Variants in ZNF217 observed in about 807,000 individuals in gnomAD.
ZNF217 encodes the protein zinc finger protein 217.
ZNF217 carries 12 observed loss-of-function variants against 73.3 expected under a neutral mutation model. The observed-to-expected ratio is 0.16, with a 90% CI of 0.10 to 0.27. ZNF217 has a LOEUF of 0.27. Among genes scored for constraint, ZNF217 ranks in the 10% least tolerant of loss-of-function variants. The pLI is 1.00. For synonymous variants in ZNF217, 588 were observed against 516.4 expected, an observed-to-expected ratio of 1.14 and a Z score of -1.88; for missense variants, 1,195 against 1,327.8, an observed-to-expected ratio of 0.90 and a Z score of 1.55.
chr20:53,586,019 C>CA (rs557666843), intron 1 of ZNF217, among the ~76,000 whole-genome samples: 230 of 152,298 alleles, frequency 1.5e-3, no homozygotes, highest in Non-Finnish European at 2.3e-3. Context: ...CTACCCAGCA[C>CA]ACCCTACCCC....
chr20:53,575,720 G>A lies in ZNF217; in HGVS notation c.3037+7C>T, dbSNP rs374791993. ...GCCATTTAAACACGACGCCCCTCAT[G>A]CAATACCTTCTAACGTCGAGCTGGA... is the stretch of plus-strand genomic sequence containing the variant. On this transcript the variant is annotated splice_region_variant and intron_variant, in intron 4 of 5. Coordinates refer to ENST00000371471, the MANE Select transcript of ZNF217 (RefSeq NM_006526.3). The A allele has an allele frequency of 2.5e-4, 394 of 1,559,352 alleles. 6 individuals carry two copies. In the South Asian group the frequency reaches 4.3e-3, roughly 17 times the overall value.
intron 1 of ZNF217, among the ~76,000 whole-genome samples, chr20:53,585,314 C>T (rs1988657558): frequency 6.6e-6 from 1 of 152,090 alleles, no homozygotes; most frequent in South Asian, 2.1e-4. Flanking sequence ...ACTCCCAATG[C>T]TTTGGGAAGC....
chr20:53,572,840 C>CT (rs1196588289), intron 4 of ZNF217: 1 of 152,178 alleles, frequency 6.6e-6, no homozygotes, highest in East Asian at 1.9e-4. Flanking sequence ...CACTGAGCTA[C>CT]TTTTTTACAC....
intron 1 of ZNF217, among the ~76,000 whole-genome samples, chr20:53,585,216 C>T (rs994046926): frequency 3.3e-5 from 5 of 151,496 alleles, no homozygotes; most frequent in African/African-American, 1.2e-4. Context: ...CACTTCTCTA[C>T]TGACATCCTT....
chr20:53,579,856 A>G (rs1453601954), intron 2 of ZNF217, among the ~76,000 whole-genome samples: 1 of 152,240 alleles, frequency 6.6e-6, no homozygotes. Context: ...ATTGGTCACA[A>G]AACAACGCAG....
chr20:53,593,328 G>A (rs1282992349), intron 1 of ZNF217, among the ~76,000 whole-genome samples: 10 of 152,140 alleles, frequency 6.6e-5, no homozygotes, highest in Admixed American at 2.6e-4. Flanking sequence ...ATCGCGGGGG[G>A]ACCCTACGCC....
In ZNF217 at chr20:53,582,278, C is replaced by A; in HGVS notation, c.549G>T (p.Gly183=). ...AGCCTTGCTGCAGTTTGCTTCTGGC[C>A]CCCGATTTGCCATTATGTGTCCGCA... ...NHMRTHNGKS[G]ARSKLQQGLE... is the part of the protein sequence containing the mutation. The change falls in exon 2 of 6, where the codon GGG becomes GGT. Residue 183 remains glycine (G), a synonymous_variant. Transcript: ENST00000371471. The surrounding 1 kb of genome is among the most constrained non-coding windows in gnomAD (Gnocchi z 4.8). 6.2e-7 allele frequency: 1 copy of A among 1,614,146 alleles called. No individual in the cohort carries two copies. Among genetic ancestry groups the A allele is most frequent in the Admixed American group, 1.7e-5 (1 of 60,012 alleles).
intron 5 of ZNF217, among the ~76,000 whole-genome samples, 157 bp from the exon 6 acceptor site, chr20:53,569,421 C>A (rs187985106): frequency 1.3e-5 from 2 of 152,260 alleles, no homozygotes; most frequent in East Asian, 3.9e-4. Context: ...CTCACTCTGT[C>A]GCCCAGGCTG....
chr20:53,569,450 T>C (rs941807249), intron 5 of ZNF217, among the ~76,000 whole-genome samples, 186 bp from the exon 6 acceptor site: 1 of 152,202 alleles, frequency 6.6e-6, no homozygotes, highest in Non-Finnish European at 1.5e-5. Context: ...CGGCACGATC[T>C]TGGCTCACTG....
intron 1 of ZNF217, among the ~76,000 whole-genome samples, chr20:53,590,269 C>T (rs1840356769): frequency 6.6e-6 from 1 of 152,200 alleles, no homozygotes; most frequent in Non-Finnish European, 1.5e-5. Context: ...GCTTCACCTT[C>T]CCAATTCATT....
At chr20:53,578,645 T>C (rs779149339) in intron 2 of ZNF217, among the ~76,000 whole-genome samples, 195 bp from the exon 3 acceptor site, 12 of 152,250 alleles carry the variant, frequency 7.9e-5, no homozygotes, top group Non-Finnish European at 1.2e-4. Flanking sequence ...TAGAGTGTTA[T>C]AACATGATTT....
At chr20:53,586,840 A>C (rs1410220501) in intron 1 of ZNF217, among the ~76,000 whole-genome samples, 1 of 152,218 alleles carries the variant, frequency 6.6e-6, no homozygotes, top group Non-Finnish European at 1.5e-5. Flanking sequence ...TGCACACAGA[A>C]GGCAGCAGTA....
upstream of ZNF217, among the ~76,000 whole-genome samples, chr20:53,596,480 A>C (rs1444610458): frequency 6.6e-6 from 1 of 152,198 alleles, no homozygotes; most frequent in Non-Finnish European, 1.5e-5. Flanking sequence ...AAGGACATAG[A>C]GGGATCTGAA....
Position 53,577,068 on chromosome 20 carries a change from C to A in ZNF217, c.1696G>T (p.Asp566Tyr), listed in dbSNP as rs1259719505. Residue 566 changes from aspartate (D) to tyrosine (Y), a missense_variant, in exon 4 of 6, where the codon GAT (aspartate) becomes TAT (tyrosine). Physicochemically the swap from Asp to Tyr is radical, Grantham distance 160 (BLOSUM62 -3). This residue lies in a region of ZNF217 where 649 missense variants were observed against 642.8 expected (regional missense o/e 1.01). Transcript: ENST00000371471. Reference protein sequence around the residue: ...NLKRFFDGAKDVTGSPPAKQL... With the variant: ...NLKRFFDGAKYVTGSPPAKQL... The stretch of plus-strand genomic sequence containing the variant: ...TTTGCAGGTGGACTGCCTGTAACAT[C>A]TTTGGCACCATCAAAAAATCTTTTC... The A allele has an allele frequency of 6.2e-7, 1 of 1,614,096 alleles. No individual in the cohort carries two copies. The highest frequency in any genetic ancestry group is 8.5e-7 in the Non-Finnish European group (1 of 1,180,046).
intron 1 of ZNF217, among the ~76,000 whole-genome samples, chr20:53,585,498 T>G (rs1423512165): frequency 6.6e-6 from 1 of 152,138 alleles, no homozygotes; most frequent in African/African-American, 2.4e-5. Context: ...TGAGCCAAGA[T>G]CGCACCACTG....
upstream of ZNF217, among the ~76,000 whole-genome samples, chr20:53,596,261 CTTA>C (rs1989039977): frequency 6.6e-6 from 1 of 151,986 alleles, no homozygotes; most frequent in African/African-American, 2.4e-5. Flanking sequence ...AAGAGAGCGC[CTTA>C]TTATGTTGTA....
At position 53,580,153 on chromosome 20, in the gene ZNF217, C is replaced by CA. The variant is rs1988431344; in HGVS notation, c.1366+1307dup. Among the ~76,000 whole-genome samples, 3 of 152,064 alleles carry CA rather than the reference C, an allele frequency of 2.0e-5. 1 individual carries two copies. The South Asian group carries it at 6.2e-4, about 32-fold the overall frequency. On this transcript the variant is annotated intron_variant, in intron 2 of 5. Transcript: ENST00000371471. The stretch of plus-strand genomic sequence containing the variant: ...TGGGTTTCCTGTGTCCCAGGAAACT[C>CA]AAAAACATTCTAAAGATTTGATATA...
chr20:53,570,093 A>C (rs1468050624), intron 5 of ZNF217, among the ~76,000 whole-genome samples: 1 of 152,214 alleles, frequency 6.6e-6, no homozygotes, highest in Non-Finnish European at 1.5e-5. Flanking sequence ...CAGATACAGG[A>C]GCATGGCTGT....
At chr20:53,571,406 G>T (rs5741796) in intron 5 of ZNF217, among the ~76,000 whole-genome samples, 2 of 16,492 alleles carry the variant, frequency 1.2e-4, no homozygotes, top group Non-Finnish European at 2.1e-4. Context: ...CCCCGCCCCC[G>T]CCCCCCCTTT....
Sources: allele counts gnomAD v4.1 joint callset (sites outside exome capture counted in the v4.1 genomes callset), GRCh38; gene constraint gnomAD v4.1.1; regional missense constraint gnomAD v4.1.1; non-coding constraint Gnocchi (gnomAD v3.1); transcripts MANE v1.5; gene names NCBI Gene and HGNC (gene_info 2026-07-23, HGNC 2026-07-21).